Variants in MARCHF1 observed in about 807,000 individuals in gnomAD.
MARCHF1 encodes the protein E3 ubiquitin-protein ligase MARCHF1.
A neutral mutation model predicts 54.2 loss-of-function variants in MARCHF1; 40 were observed. The observed-to-expected ratio is 0.74, with a 90% CI of 0.57 to 0.96. The LOEUF (loss-of-function observed/expected upper bound fraction) is 0.96. MARCHF1 is among the 40% of genes least tolerant of loss of function. MARCHF1 has a pLI of 0.00. For missense variants in MARCHF1, 586 were observed against 656.5 expected (o/e 0.89, Z 1.17); for synonymous variants, 236 against 236.3 (o/e 1.00, Z 0.01).
At chr4:164,100,323 T>C (rs1223301274) in intron 2 of MARCHF1, among the ~76,000 whole-genome samples, 2 of 152,250 alleles carry the variant, frequency 1.3e-5, no homozygotes, top group Non-Finnish European at 2.9e-5. Flanking sequence ...ACTCAAGGTT[T>C]TGCTTTTGAC....
intron 1 of MARCHF1, among the ~76,000 whole-genome samples, chr4:164,261,588 T>C (rs1181285772): frequency 6.6e-6 from 1 of 152,146 alleles, no homozygotes; most frequent in African/African-American, 2.4e-5. Flanking sequence ...ACCATGCTCC[T>C]CCTTAATCAT....
At chr4:163,982,194 A>G (rs1207124938) in intron 3 of MARCHF1, among the ~76,000 whole-genome samples, 1 of 152,222 alleles carries the variant, frequency 6.6e-6, no homozygotes, top group Admixed American at 6.5e-5. Flanking sequence ...AATTCACTCT[A>G]AGCACATGGG....
chr4:163,588,895 T>C (rs1740494540), intron 7 of MARCHF1, among the ~76,000 whole-genome samples: 1 of 152,112 alleles, frequency 6.6e-6, no homozygotes, highest in Non-Finnish European at 1.5e-5. Flanking sequence ...TTAAAGACAA[T>C]GTATGAATAT....
chr4:163,967,691 G>A (rs141958365), intron 3 of MARCHF1, among the ~76,000 whole-genome samples: 137 of 152,152 alleles, frequency 9.0e-4, no homozygotes, highest in African/African-American at 3.0e-3. Context: ...TATCTATATC[G>A]ATATCTATTG....
Position 164,284,318 on chromosome 4 carries a change from G to A in MARCHF1, c.-323+99552C>T, listed in dbSNP as rs560427345. ...TAATGCAGTCCTTAAGCTAAAGAAA[G>A]TGAGAGAGAGAGAGACAGAGAGAGA... is the stretch of plus-strand genomic sequence containing the variant. On this transcript the variant is annotated intron_variant, in intron 1 of 9. Coordinates refer to ENST00000514618, the MANE Select transcript of MARCHF1 (RefSeq NM_001394959.1). Among the ~76,000 whole-genome samples the A allele has an allele frequency of 1.8e-4, 25 of 139,844 alleles. 1 individual carries two copies. The highest frequency in any genetic ancestry group is 6.7e-4 in the African/African-American group (23 of 34,280). 91.7% of individuals were successfully genotyped at this position (139,844 alleles called of 152,430 possible).
At chr4:163,773,182 T>G (rs929763540) in intron 4 of MARCHF1, among the ~76,000 whole-genome samples, 2 of 152,056 alleles carry the variant, frequency 1.3e-5, no homozygotes, top group Non-Finnish European at 2.9e-5. Context: ...AGATGTGTTA[T>G]GAAAGGCGGA....
At chr4:163,767,084 A>G (rs1746998505) in intron 4 of MARCHF1, among the ~76,000 whole-genome samples, 1 of 143,432 alleles carries the variant, frequency 7.0e-6, no homozygotes, top group Non-Finnish European at 1.5e-5. Context: ...TTTTCAGATA[A>G]GGATACGGCG....
intron 1 of MARCHF1, among the ~76,000 whole-genome samples, chr4:164,250,507 G>T (rs1395063923): frequency 6.6e-6 from 1 of 151,864 alleles, no homozygotes; most frequent in African/African-American, 2.4e-5. Flanking sequence ...ATAACTAGGG[G>T]AAAATTAAAA....
At chr4:164,235,277 A>C (rs187192243) in intron 1 of MARCHF1, among the ~76,000 whole-genome samples, 554 of 152,272 alleles carry the variant, frequency 3.6e-3, no homozygotes, top group African/African-American at 0.012. Flanking sequence ...GGCCCTAAAT[A>C]ACAAAAATAT....
At chr4:163,793,537 A>C (rs557636881) in intron 4 of MARCHF1, among the ~76,000 whole-genome samples, 22 of 152,154 alleles carry the variant, frequency 1.4e-4, no homozygotes, top group Non-Finnish European at 2.6e-4. Context: ...GTGTTTGGTC[A>C]TACTAAGGGA....
chr4:163,717,341 G>A lies in MARCHF1; in HGVS notation c.112-16478C>T, dbSNP rs551110862. Among the ~76,000 whole-genome samples the A allele has an allele frequency of 5.9e-5, 9 of 151,434 alleles. No homozygotes were observed. In the South Asian group the frequency reaches 1.9e-3, roughly 32 times the overall value. On this transcript the variant is annotated intron_variant, in intron 4 of 9. Coordinates refer to ENST00000514618, the MANE Select transcript of MARCHF1 (RefSeq NM_001394959.1). ...GGACATGAACTCATCATTTTTTATGGCTGCATAGTATTCCAGGGTGTATAT... is the reference window on the plus strand; with the variant it reads ...GGACATGAACTCATCATTTTTTATGACTGCATAGTATTCCAGGGTGTATAT...
At chr4:163,693,038 T>C (rs1037010918) in intron 5 of MARCHF1, among the ~76,000 whole-genome samples, 1 of 151,482 alleles carries the variant, frequency 6.6e-6, no homozygotes, top group African/African-American at 2.4e-5. Flanking sequence ...AGGGATATTT[T>C]GCAAAACAGA....
At chr4:164,335,287 G>A (rs35577487) in intron 1 of MARCHF1, among the ~76,000 whole-genome samples, 27 of 152,016 alleles carry the variant, frequency 1.8e-4, no homozygotes, top group African/African-American at 5.8e-4. Context: ...ATTCATTGTC[G>A]TATTTAAGAA....
At chr4:164,331,422 G>A (rs2110804534) in intron 1 of MARCHF1, among the ~76,000 whole-genome samples, 1 of 152,278 alleles carries the variant, frequency 6.6e-6, no homozygotes, top group East Asian at 1.9e-4. Flanking sequence ...TAATGTAATT[G>A]TACTTCTTTG....
intron 2 of MARCHF1, among the ~76,000 whole-genome samples, chr4:164,034,060 GT>G (rs148353604): frequency 0.029 from 3,566 of 123,584 alleles, 131 homozygotes; most frequent in African/African-American, 0.087. Flanking sequence ...TAAAGAAAAT[GT>G]GATAGACAGA....
intron 1 of MARCHF1, among the ~76,000 whole-genome samples, chr4:164,164,828 T>C (rs1730329370): frequency 6.6e-6 from 1 of 152,048 alleles, no homozygotes; most frequent in African/African-American, 2.4e-5. Flanking sequence ...TAGGTAAATC[T>C]ATCATGGTGG....
At chr4:163,653,859 T>A (rs1156759128) in intron 5 of MARCHF1, among the ~76,000 whole-genome samples, 1 of 151,728 alleles carries the variant, frequency 6.6e-6, no homozygotes, top group Admixed American at 6.6e-5. Flanking sequence ...TAGTTGGATA[T>A]ATAATATTGG....
At chr4:163,546,885 A>G (rs1465864061) in intron 8 of MARCHF1, among the ~76,000 whole-genome samples, 1 of 152,232 alleles carries the variant, frequency 6.6e-6, no homozygotes, top group African/African-American at 2.4e-5. Context: ...ATGTCTTTGT[A>G]GCTACAGTAT....
intron 1 of MARCHF1, among the ~76,000 whole-genome samples, chr4:164,316,068 G>T (rs991167749): frequency 1.3e-5 from 2 of 152,002 alleles, no homozygotes; most frequent in African/African-American, 4.8e-5. Context: ...GGGTTATTGC[G>T]CTGACAAAAT....
Sources: gnomAD v4.1 joint callset for allele counts (sites outside exome capture counted in the v4.1 genomes callset) on GRCh38, gnomAD v4.1.1 for gene constraint, MANE v1.5 for transcripts, NCBI Gene and HGNC (gene_info 2026-07-23, HGNC 2026-07-21) for gene names.